Variants in MKLN1 observed in about 807,000 individuals in gnomAD.
MKLN1 encodes the protein muskelin.
A neutral mutation model predicts 99.0 loss-of-function variants in MKLN1; 18 were observed. That is an observed-to-expected ratio of 0.18 (90% CI 0.13 to 0.27). MKLN1 has a LOEUF of 0.27. Among genes scored for constraint, MKLN1 ranks in the 10% least tolerant of loss-of-function variants. The pLI is 1.00. For missense variants in MKLN1, 621 were observed against 875.9 expected (o/e 0.71, Z 3.67); for synonymous variants, 288 against 293.2 (o/e 0.98, Z 0.18).
At chr7:131,352,900 T>C (rs1799761601) in intron 1 of MKLN1, among the ~76,000 whole-genome samples, 1 of 152,192 alleles carries the variant, frequency 6.6e-6, no homozygotes, top group South Asian at 2.1e-4. Flanking sequence ...CTTCCACCTC[T>C]GTCCCTTCAA....
chr7:131,142,926 T>C (rs1233633307), exon 2 of MKLN1: 21 of 1,305,108 alleles, frequency 1.6e-5, no homozygotes, highest in Non-Finnish European at 1.8e-5. Flanking sequence ...CTTGAAAACA[T>C]GGGGATTGGA....
rs759573025 is a variant in MKLN1 at position 131,399,361 on chromosome 7, G to C, written c.631G>C (p.Asp211His). The C allele has an allele frequency of 6.2e-7, 1 of 1,613,992 alleles. No homozygotes were observed. Among genetic ancestry groups the C allele is most frequent in the South Asian group, 1.1e-5 (1 of 91,086 alleles). The change falls in exon 6 of 18, where the codon GAT (aspartate) becomes CAT (histidine). Residue 211 changes from aspartate to histidine, a missense_variant. Asp to His is a moderately conservative substitution (Grantham distance 81). Transcript: ENST00000352689. ...TGCACTGGAACATCCCATGTTAACA[G>C]ATATTCATGACAAGCTGGTGTTGAA... ...KIALEHPMLT[D>H]IHDKLVLKGD... is the part of the protein sequence containing the mutation.
At chr7:131,300,722 A>G (rs1798365947) in intron 3 of MKLN1, among the ~76,000 whole-genome samples, 1 of 151,578 alleles carries the variant, frequency 6.6e-6, no homozygotes. Context: ...AAAAAAAAAG[A>G]ATGTGGAATC....
chr7:131,243,518 T>C (rs1354222038), intron 3 of MKLN1, among the ~76,000 whole-genome samples: 3 of 152,192 alleles, frequency 2.0e-5, no homozygotes, highest in African/African-American at 7.2e-5. Flanking sequence ...CAATAGCACA[T>C]TGAGCATTCT....
Sources: allele counts gnomAD v4.1 joint callset (sites outside exome capture counted in the v4.1 genomes callset), GRCh38; gene constraint gnomAD v4.1.1; transcripts MANE v1.5; gene names NCBI Gene and HGNC (gene_info 2026-07-23, HGNC 2026-07-21).